FAT3: variants seen among roughly 807,000 people sequenced by gnomAD.
FAT3 encodes protocadherin Fat 3.
In FAT3, 95 loss-of-function variants were observed where a neutral mutation model predicts 310.2. The ratio of observed to expected loss-of-function variants is 0.31; its 90% CI spans 0.26 to 0.36. FAT3 has a LOEUF of 0.36. Among genes scored for constraint, FAT3 ranks in the 10% least tolerant of loss-of-function variants. The probability of loss-of-function intolerance (pLI) is 1.00; values close to 1 mark genes in which losing one functional copy is unlikely to be tolerated. For missense variants in FAT3, 5,408 were observed against 5,715.6 expected (o/e 0.95, Z 1.74); for synonymous variants, 2,314 against 2,192.9 (o/e 1.06, Z -1.54).
intron 1 of FAT3, among the ~76,000 whole-genome samples, chr11:92,291,574 C>G (rs73544694): frequency 0.021 from 3,217 of 150,638 alleles, 128 homozygotes; most frequent in African/African-American, 0.074. Flanking sequence ...GTGTGTGCCT[C>G]CTTCCTCTGG....
At chr11:92,269,182 C>T (rs1946051910) in intron 1 of FAT3, among the ~76,000 whole-genome samples, 2 of 152,018 alleles carry the variant, frequency 1.3e-5, no homozygotes, top group African/African-American at 2.4e-5. Context: ...AAAACATTTC[C>T]TCATAGTTAT....
At chr11:92,764,596 T>A (rs1215915067) in intron 5 of FAT3, among the ~76,000 whole-genome samples, 1 of 152,138 alleles carries the variant, frequency 6.6e-6, no homozygotes, top group Non-Finnish European at 1.5e-5. Context: ...GGCCCACAAA[T>A]CACCACAAAC....
intron 2 of FAT3, chr11:92,366,970 A>G: frequency 1.9e-6 from 1 of 526,136 alleles, no homozygotes; most frequent in South Asian, 1.4e-5. Context: ...CTCTGGTCAG[A>G]CACCCATAGT....
chr11:92,772,574 A>C (rs571555223), intron 6 of FAT3, among the ~76,000 whole-genome samples: 1 of 152,078 alleles, frequency 6.6e-6, no homozygotes, highest in East Asian at 1.9e-4. Flanking sequence ...CTCCTCATCA[A>C]ATCAATTAAA....
chr11:92,816,803 C>T (rs1029083909), intron 13 of FAT3, among the ~76,000 whole-genome samples: 1 of 151,934 alleles, frequency 6.6e-6, no homozygotes, highest in Non-Finnish European at 1.5e-5. Context: ...TGGTAAAACC[C>T]CATCTCTACT....
At chr11:92,708,901 GCTAATGAGTCAA>G (rs1944439557) in intron 4 of FAT3, among the ~76,000 whole-genome samples, 1 of 152,130 alleles carries the variant, frequency 6.6e-6, no homozygotes, top group Non-Finnish European at 1.5e-5. Flanking sequence ...CCTAAGACAG[GCTAATGAGTCAA>G]CCGTGGGTCT....
Position 92,354,223 on chromosome 11 carries a change from G to C in FAT3, c.2111G>C (p.Gly704Ala), listed in dbSNP as rs1565251224. The change falls in exon 2 of 28, where the codon GGG (glycine) becomes GCG (alanine). Residue 704 changes from glycine (G) to alanine (A), a missense_variant. By Grantham distance (60) the Gly-to-Ala change is moderately conservative. Around this residue, in one of 5 missense-constraint regions of FAT3, gnomAD observed 4,588 missense variants for 4,809.8 expected, o/e 0.95. Transcript: ENST00000525166. ...EKLLIKAKAN[G>A]KLNLEDGFLD... is the part of the protein sequence containing the mutation. ...CTACTCATTAAGGCAAAAGCAAATG[G>C]GAAACTGAATCTGGAAGATGGATTT... 1 of 1,613,704 alleles carries C rather than the reference G, an allele frequency of 6.2e-7. No individual in the cohort carries two copies. Among genetic ancestry groups the C allele is most frequent in the East Asian group, 2.2e-5 (1 of 44,866 alleles).
chr11:92,629,848 A>G (rs72958542), intron 3 of FAT3, among the ~76,000 whole-genome samples: 5 of 152,162 alleles, frequency 3.3e-5, no homozygotes, highest in African/African-American at 7.2e-5. Flanking sequence ...ATAATAGTCT[A>G]CTGTTCCCAA....
At chr11:92,241,266 G>C (rs1864661291) in intron 1 of FAT3, among the ~76,000 whole-genome samples, 1 of 152,070 alleles carries the variant, frequency 6.6e-6, no homozygotes. Context: ...GCTCCTCCTT[G>C]TGAGTAAGGC....
At chr11:92,676,637 C>A (rs966735461) in intron 3 of FAT3, among the ~76,000 whole-genome samples, 17 of 152,262 alleles carry the variant, frequency 1.1e-4, no homozygotes, top group African/African-American at 4.1e-4. Context: ...AAACTGGACT[C>A]TGAAATAAGT....
chr11:92,287,963 T>C (rs1234752680), intron 1 of FAT3, among the ~76,000 whole-genome samples: 6 of 152,136 alleles, frequency 3.9e-5, no homozygotes, highest in Non-Finnish European at 5.9e-5. Flanking sequence ...ATGAGTTGTC[T>C]ATGATATAGG....
intron 3 of FAT3, among the ~76,000 whole-genome samples, chr11:92,548,897 G>C (rs956644659): frequency 2.6e-5 from 4 of 152,208 alleles, no homozygotes; most frequent in Non-Finnish European, 5.9e-5. Context: ...AAAGAAGTGA[G>C]AGAAGTTGGC....
intron 3 of FAT3, among the ~76,000 whole-genome samples, chr11:92,657,317 A>T (rs916640594): frequency 6.6e-6 from 1 of 152,212 alleles, no homozygotes; most frequent in Non-Finnish European, 1.5e-5. Context: ...CTGAACAAAG[A>T]TAATCATGAA....
intron 15 of FAT3, among the ~76,000 whole-genome samples, chr11:92,836,147 G>C (rs1366067404): frequency 6.6e-6 from 1 of 152,156 alleles, no homozygotes; most frequent in East Asian, 1.9e-4. Context: ...TTGCTGTGTG[G>C]GAAGGGGAAC....
chr11:92,719,770 G>A (rs1388156420), intron 4 of FAT3, among the ~76,000 whole-genome samples: 2 of 136,802 alleles, frequency 1.5e-5, no homozygotes, highest in Admixed American at 7.5e-5. Context: ...GTGTGTGTGT[G>A]TATAATTTTC....
At chr11:92,587,676 A>G (rs2135550568) in intron 3 of FAT3, among the ~76,000 whole-genome samples, 1 of 152,122 alleles carries the variant, frequency 6.6e-6, no homozygotes, top group African/African-American at 2.4e-5. Context: ...TCTTGAGAAC[A>G]TAGAATTTCT....
rs184946498 is a variant in FAT3 at position 92,808,797 on chromosome 11, G to A, written c.9248-1046G>A. ...AAAAATTAGCCAGGCATGGTGGCGG[G>A]CACCTGTAGTCCCAGCTACTTGGGA... On this transcript the variant is annotated intron_variant, in intron 12 of 27. Transcript: ENST00000525166. Among the ~76,000 whole-genome samples, 1,233 of 152,114 alleles carry A rather than the reference G, an allele frequency of 8.1e-3. 29 individuals are homozygous for A. The highest frequency in any genetic ancestry group is 0.028 in the African/African-American group (1,173 of 41,488).
At position 92,882,929 on chromosome 11, in the gene FAT3, T is replaced by C; in HGVS notation, c.12473T>C (p.Ile4158Thr). Residue 4158 changes from isoleucine (I) to threonine (T), a missense_variant, in exon 24 of 28, where the codon ATC becomes ACC. Ile to Thr is a moderately conservative substitution (Grantham distance 89, BLOSUM62 -1). Around this residue, in one of 5 missense-constraint regions of FAT3, gnomAD observed 649 missense variants for 666.2 expected, o/e 0.97. Coordinates refer to ENST00000525166, the MANE Select transcript of FAT3 (RefSeq NM_001367949.2). ...GTGGGGAAGGAGGAGCTCATCGGCA[T>C]CGCCGTGGTCCTCTTCGTCATCTTC... The part of the protein sequence containing the change: ...SYVGKEELIG[I>T]AVVLFVIFIL... 1 of 1,613,238 alleles carries C rather than the reference T, an allele frequency of 6.2e-7. No individual in the cohort carries two copies. Among genetic ancestry groups the C allele is most frequent in the East Asian group, 2.2e-5 (1 of 44,842 alleles).
chr11:92,520,625 T>C (rs1298556582), intron 2 of FAT3, among the ~76,000 whole-genome samples: 1 of 152,122 alleles, frequency 6.6e-6, no homozygotes, highest in Non-Finnish European at 1.5e-5. Flanking sequence ...TGGATTTACA[T>C]TCTTAGCTGT....
Sources: allele counts gnomAD v4.1 joint callset (sites outside exome capture counted in the v4.1 genomes callset), GRCh38; gene constraint gnomAD v4.1.1; regional missense constraint gnomAD v4.1.1; transcripts MANE v1.5; gene names NCBI Gene and HGNC (gene_info 2026-07-23, HGNC 2026-07-21).